CNTNAP2: variants seen among roughly 807,000 people sequenced by gnomAD.
CNTNAP2 encodes contactin-associated protein-like 2.
CNTNAP2 carries 98 observed loss-of-function variants against 155.2 expected under a neutral mutation model. The ratio of observed to expected loss-of-function variants is 0.63; its 90% CI spans 0.54 to 0.75. The LOEUF (loss-of-function observed/expected upper bound fraction) is 0.75, where lower values mean the gene tolerates loss of function less well. CNTNAP2 is among the 30% of genes least tolerant of loss of function. The pLI, the probability that CNTNAP2 is intolerant of heterozygous loss-of-function variation, is 0.00. For missense variants in CNTNAP2, 1,727 were observed against 1,688.1 expected, an observed-to-expected ratio of 1.02 and a Z score of -0.40; for synonymous variants, 651 against 631.2, an observed-to-expected ratio of 1.03 and a Z score of -0.47.
Position 147,859,725 on chromosome 7 carries a change from C to T in CNTNAP2, c.2099-43840C>T, listed in dbSNP as rs181851010. Among the ~76,000 whole-genome samples, 12 of 152,210 alleles carry T rather than the reference C, an allele frequency of 7.9e-5. No individual in the cohort carries two copies. The South Asian group carries it at 2.1e-3, about 26-fold the overall frequency. On this transcript the variant is annotated intron_variant, in intron 13 of 23. Transcript: ENST00000361727. ...ATTCATTTCAAAGAATGTGTTAGTA[C>T]AATGGGGCTTCTTCTCAAGAGCAAA...
At chr7:146,371,335 T>C (rs568058468) in intron 1 of CNTNAP2, among the ~76,000 whole-genome samples, 47 of 151,650 alleles carry the variant, frequency 3.1e-4, no homozygotes, top group African/African-American at 1.0e-3. Context: ...TTATGTAAGT[T>C]ATTTTGCAAT....
intron 1 of CNTNAP2, among the ~76,000 whole-genome samples, chr7:146,268,797 A>G (rs1800034385): frequency 6.6e-6 from 1 of 152,244 alleles, no homozygotes; most frequent in African/African-American, 2.4e-5. Context: ...CCAGTAGCAT[A>G]TCCATTATTT....
chr7:147,618,599 T>C (rs117924100), intron 12 of CNTNAP2, among the ~76,000 whole-genome samples: 1 of 150,530 alleles, frequency 6.6e-6, no homozygotes, highest in Non-Finnish European at 1.5e-5. Context: ...AGACTGTATA[T>C]GAATAACATA....
At chr7:147,289,119 A>G (rs574971248) in intron 8 of CNTNAP2, among the ~76,000 whole-genome samples, 1 of 152,334 alleles carries the variant, frequency 6.6e-6, no homozygotes, top group Admixed American at 6.5e-5. Context: ...ACCAGTTATG[A>G]CTTACTGTAT....
At chr7:146,697,083 G>A (rs1186513504) in intron 1 of CNTNAP2, among the ~76,000 whole-genome samples, 1 of 152,076 alleles carries the variant, frequency 6.6e-6, no homozygotes. Flanking sequence ...TGCTAATAGA[G>A]GGGTATCATA....
intron 15 of CNTNAP2, among the ~76,000 whole-genome samples, chr7:148,088,537 C>A (rs1284108559): frequency 6.6e-6 from 1 of 151,820 alleles, no homozygotes; most frequent in Non-Finnish European, 1.5e-5. Flanking sequence ...CTGTTATGAA[C>A]AATTACACAG....
chr7:147,535,950 C>G (rs1363349096), intron 11 of CNTNAP2, among the ~76,000 whole-genome samples: 2 of 152,182 alleles, frequency 1.3e-5, no homozygotes, highest in Non-Finnish European at 2.9e-5. Context: ...GTCCTGGTAT[C>G]CTTGATCATA....
At chr7:147,436,878 G>A (rs1797557272) in intron 10 of CNTNAP2, among the ~76,000 whole-genome samples, 1 of 152,130 alleles carries the variant, frequency 6.6e-6, no homozygotes, top group South Asian at 2.1e-4. Context: ...GCTCCTGGGT[G>A]CTTAAGGAAA....
chr7:147,838,461 T>C (rs1360186797), intron 13 of CNTNAP2, among the ~76,000 whole-genome samples: 1 of 152,216 alleles, frequency 6.6e-6, no homozygotes, highest in Non-Finnish European at 1.5e-5. Context: ...TCTGATTCTC[T>C]TTTTAAACTG....
rs543892867 is a variant in CNTNAP2, at chr7:146,663,377, T to A, written c.98-110894T>A. ...TTAGTTGTTTCACTTTCTCATTTTT[T>A]TTTTAATTCCATTCTAGATCCCTTG... On this transcript the variant is annotated intron_variant, in intron 1 of 23. Coordinates refer to ENST00000361727, the MANE Select transcript of CNTNAP2 (RefSeq NM_014141.6). Among the ~76,000 whole-genome samples, 49 of 152,100 alleles carry A rather than the reference T, an allele frequency of 3.2e-4. 1 individual carries two copies. In the South Asian group the frequency reaches 9.3e-3, roughly 29 times the overall value.
chr7:148,262,249 A>C (rs1370503256), intron 20 of CNTNAP2, among the ~76,000 whole-genome samples: 1 of 152,190 alleles, frequency 6.6e-6, no homozygotes, highest in Non-Finnish European at 1.5e-5. Context: ...GGAGGCAGGA[A>C]GAATGGAGAA....
chr7:146,853,001 C>A (rs940631891), intron 3 of CNTNAP2, among the ~76,000 whole-genome samples: 1 of 151,960 alleles, frequency 6.6e-6, no homozygotes, highest in Admixed American at 6.6e-5. Context: ...CAGCCTAGAG[C>A]AAGAGAAAAA....
At chr7:146,703,973 C>A (rs1359368678) in intron 1 of CNTNAP2, among the ~76,000 whole-genome samples, 1 of 151,726 alleles carries the variant, frequency 6.6e-6, no homozygotes, top group Non-Finnish European at 1.5e-5. Context: ...CTCTTATTTC[C>A]TCTTCAAATA....
intron 4 of CNTNAP2, among the ~76,000 whole-genome samples, chr7:147,061,360 T>A (rs535600389): frequency 1.1e-4 from 17 of 152,372 alleles, no homozygotes; most frequent in South Asian, 1.0e-3. Context: ...AATATCATTT[T>A]AAAATATGTA....
intron 22 of CNTNAP2, among the ~76,000 whole-genome samples, chr7:148,408,504 G>C (rs1799755445): frequency 6.6e-6 from 1 of 152,284 alleles, no homozygotes; most frequent in Non-Finnish European, 1.5e-5. Flanking sequence ...ACATAAACCT[G>C]TTTGCCTGGT....
chr7:147,445,756 G>A (rs1393306662), intron 10 of CNTNAP2, among the ~76,000 whole-genome samples: 1 of 152,022 alleles, frequency 6.6e-6, no homozygotes, highest in Non-Finnish European at 1.5e-5. Flanking sequence ...GTCTATCTAT[G>A]TTTCTTTCCT....
chr7:148,328,107 A>G (rs1205132938), intron 21 of CNTNAP2, among the ~76,000 whole-genome samples: 1 of 152,218 alleles, frequency 6.6e-6, no homozygotes, highest in Non-Finnish European at 1.5e-5. Context: ...GACCACCCAG[A>G]TGAGAACACG....
chr7:147,650,171 G>A (rs147687016), intron 13 of CNTNAP2, among the ~76,000 whole-genome samples: 2,280 of 151,842 alleles, frequency 0.015, 188 homozygotes, highest in Admixed American at 0.14. Flanking sequence ...AAACCTAATC[G>A]TAAATTATTT....
chr7:147,767,410 G>A (rs1443600650), intron 13 of CNTNAP2, among the ~76,000 whole-genome samples: 1 of 151,972 alleles, frequency 6.6e-6, no homozygotes, highest in Non-Finnish European at 1.5e-5. Flanking sequence ...ATTTCCTAAG[G>A]TACAAATTTT....
Sources: allele counts gnomAD v4.1 joint callset (sites outside exome capture counted in the v4.1 genomes callset), GRCh38; gene constraint gnomAD v4.1.1; transcripts MANE v1.5; gene names NCBI Gene and HGNC (gene_info 2026-07-23, HGNC 2026-07-21).